The following PCDHGA2 variants were observed in gnomAD, a reference collection of about 807,000 sequenced individuals.
PCDHGA2 encodes protocadherin gamma-A2.
A neutral mutation model predicts 59.2 loss-of-function variants in PCDHGA2; 40 were observed. That is an observed-to-expected ratio of 0.68 (90% CI 0.52 to 0.88). The LOEUF is 0.88. Ranked by LOEUF, PCDHGA2 falls within the 40% of genes least tolerant of loss-of-function variation. PCDHGA2 has a pLI of 0.00. For synonymous variants in PCDHGA2, 560 were observed against 526.0 expected, an observed-to-expected ratio of 1.06 and a Z score of -0.89; for missense variants, 1,226 against 1,204.0, an observed-to-expected ratio of 1.02 and a Z score of -0.27.
rs774563598 is a variant in PCDHGA2 at position 141,431,225 on chromosome 5, C to T, written c.2425-63582C>T. 16 of 1,614,118 alleles carry T rather than the reference C, an allele frequency of 9.9e-6. No individual in the cohort carries two copies. The highest frequency in any genetic ancestry group is 1.2e-5 in the Non-Finnish European group (14 of 1,180,036). On this transcript the variant is annotated intron_variant, in intron 1 of 3. Transcript: ENST00000394576. The surrounding 1 kb of genome is among the most constrained non-coding windows in gnomAD (Gnocchi z 4.8). ...CACTGAGATGCGGTTCCCTCTACCC[C>T]ACGCCTGGGATCCGGATATCGGGAA...
intron 1 of PCDHGA2, chr5:141,394,715 C>T (rs776573423): frequency 6.2e-7 from 1 of 1,613,304 alleles, no homozygotes; most frequent in African/African-American, 1.3e-5. Flanking sequence ...CCCTGCTGGA[C>T]AGAGATGCGC....
intron 2 of PCDHGA2, among the ~76,000 whole-genome samples, chr5:141,499,301 TC>T (rs771049830): frequency 6.6e-6 from 1 of 152,166 alleles, no homozygotes; most frequent in Non-Finnish European, 1.5e-5. Context: ...CTACCATCCC[TC>T]CTCTGAGAGA....
intron 1 of PCDHGA2, chr5:141,357,188 C>T: frequency 6.2e-7 from 1 of 1,613,782 alleles, no homozygotes; most frequent in South Asian, 1.1e-5. Flanking sequence ...CTCACTGTGG[C>T]TGTGGCCGAC....
intron 1 of PCDHGA2, chr5:141,376,073 GTGGCCGACAGGATCCCCGACATCC>G: frequency 1.2e-6 from 2 of 1,613,508 alleles, no homozygotes; most frequent in Non-Finnish European, 1.7e-6. Flanking sequence ...CACCGTGGCC[GTGGCCGACAGGATCCCCGACATCC>G]TGGCCGACCT....
Position 141,345,267 on chromosome 5 carries a change from C to T in PCDHGA2, c.2424+3872C>T, listed in dbSNP as rs770576379. On this transcript the variant is annotated intron_variant, in intron 1 of 3. Transcript: ENST00000394576. The stretch of plus-strand genomic sequence containing the variant: ...CTTAGTGACGGCCACATCCCTGGAC[C>T]GCGAACAAATATCAGAATATAACAT... 3.1e-6 allele frequency: 5 copies of T among 1,613,882 alleles called. No homozygotes were observed. The highest frequency in any genetic ancestry group is 1.3e-5 in the African/African-American group (1 of 74,994).
At position 141,362,587 on chromosome 5, in the gene PCDHGA2, G is replaced by A. The variant is rs747611453; in HGVS notation, c.2424+21192G>A. The A allele has an allele frequency of 3.8e-6, 6 of 1,594,472 alleles. No individual in the cohort carries two copies. In the East Asian group the frequency reaches 1.3e-4, roughly 36 times the overall value. On this transcript the variant is annotated intron_variant, in intron 1 of 3. Coordinates refer to ENST00000394576, the MANE Select transcript of PCDHGA2 (RefSeq NM_018915.4). ...CTTTAATTAATTTATTTTCACTTCT[G>A]GTTTTATTGTTTCACCTAATTTGGG...
At chr5:141,494,364 G>A (rs1461560857) in intron 1 of PCDHGA2, among the ~76,000 whole-genome samples, 1 of 152,202 alleles carries the variant, frequency 6.6e-6, no homozygotes, top group African/African-American at 2.4e-5. Context: ...TGCAGAGGAT[G>A]CTTTGTTCCC....
chr5:141,345,510 G>C (rs778058001), intron 1 of PCDHGA2: 15 of 1,614,100 alleles, frequency 9.3e-6, no homozygotes, highest in Non-Finnish European at 1.3e-5. Flanking sequence ...TGCATTGACC[G>C]AGGACACTCT....
At position 141,393,264 on chromosome 5, in the gene PCDHGA2, C is replaced by G. The variant is rs537186931; in HGVS notation, c.2424+51869C>G. The G allele has an allele frequency of 1.1e-4, 170 of 1,613,916 alleles. 3 individuals carry two copies. The South Asian group carries it at 1.8e-3, about 17-fold the overall frequency. On this transcript the variant is annotated intron_variant, in intron 1 of 3. Coordinates refer to ENST00000394576, the MANE Select transcript of PCDHGA2 (RefSeq NM_018915.4). ...TAACGAAATCGCGGTTCCTGGAGCA[C>G]GTTATCCACTCCCAGAAGCTGTTGA...
At chr5:141,413,023 A>T in intron 1 of PCDHGA2, 1 of 729,646 alleles carries the variant, frequency 1.4e-6, no homozygotes, top group Non-Finnish European at 2.1e-6. Context: ...CACAAGCCCC[A>T]CAAACCGGCT....
chr5:141,383,360 T>A (rs1319923403), intron 1 of PCDHGA2: 1 of 1,613,888 alleles, frequency 6.2e-7, no homozygotes, highest in Non-Finnish European at 8.5e-7. Flanking sequence ...CGGTTTCCGT[T>A]AAGCGAGGCT....
chr5:141,399,865 C>T, intron 1 of PCDHGA2: 1 of 1,612,866 alleles, frequency 6.2e-7, no homozygotes, highest in African/African-American at 1.3e-5. Flanking sequence ...CGCTGCAGAG[C>T]CCGGCTACCT....
Position 141,374,705 on chromosome 5 carries a change from T to A in PCDHGA2, c.2424+33310T>A, listed in dbSNP as rs188037010. On this transcript the variant is annotated intron_variant, in intron 1 of 3. Coordinates refer to ENST00000394576, the MANE Select transcript of PCDHGA2 (RefSeq NM_018915.4). ...ACTGGACCGGGAAGGAGAAGCCGTTTACCGCCTGGTCCTTACTGCCATGGA... is the reference window on the plus strand; with the variant it reads ...ACTGGACCGGGAAGGAGAAGCCGTTAACCGCCTGGTCCTTACTGCCATGGA... 8 of 1,609,374 alleles carry A rather than the reference T, an allele frequency of 5.0e-6. No homozygotes were observed. In the African/African-American group the frequency reaches 8.0e-5, roughly 16 times the overall value.
chr5:141,457,023 A>G (rs1339517071), intron 1 of PCDHGA2, among the ~76,000 whole-genome samples: 1 of 152,228 alleles, frequency 6.6e-6, no homozygotes, highest in Non-Finnish European at 1.5e-5. Flanking sequence ...AAAAAGTCCT[A>G]GTAGACTCAG....
At chr5:141,403,300 G>C (rs1469024873) in intron 1 of PCDHGA2, 4 of 1,613,892 alleles carry the variant, frequency 2.5e-6, no homozygotes, top group Non-Finnish European at 3.4e-6. Context: ...GAGTGAAACT[G>C]TACGGAATAG....
At chr5:141,361,087 A>T in intron 1 of PCDHGA2, 1 of 1,614,036 alleles carries the variant, frequency 6.2e-7, no homozygotes, top group Non-Finnish European at 8.5e-7. Flanking sequence ...TTACACTCTG[A>T]GTATCGAAGC....
intron 1 of PCDHGA2, chr5:141,356,412 G>C (rs775827547): frequency 6.2e-7 from 1 of 1,600,348 alleles, no homozygotes; most frequent in Non-Finnish European, 8.5e-7. Context: ...ATTATCGGTT[G>C]TTGACACACA....
At chr5:141,504,666 G>T (rs2099839952) in intron 2 of PCDHGA2, among the ~76,000 whole-genome samples, 1 of 107,242 alleles carries the variant, frequency 9.3e-6, no homozygotes, top group South Asian at 3.6e-4. Context: ...AGGGCGGGGG[G>T]TGGGGGTTCT....
At chr5:141,404,593 A>C in intron 1 of PCDHGA2, 1 of 1,614,080 alleles carries the variant, frequency 6.2e-7, no homozygotes, top group Non-Finnish European at 8.5e-7. Flanking sequence ...GCAATGTGTC[A>C]TTGAGACTGT....
Sources: allele counts gnomAD v4.1 joint callset (sites outside exome capture counted in the v4.1 genomes callset), GRCh38; gene constraint gnomAD v4.1.1; non-coding constraint Gnocchi (gnomAD v3.1); transcripts MANE v1.5; gene names NCBI Gene and HGNC (gene_info 2026-07-23, HGNC 2026-07-21).